Variants in OTC observed in about 807,000 individuals in gnomAD.
The protein encoded by OTC is ornithine transcarbamylase, mitochondrial.
In OTC, 3 loss-of-function variants were observed where a neutral mutation model predicts 30.3. That is an observed-to-expected ratio of 0.10 (90% CI 0.05 to 0.26). The LOEUF (loss-of-function observed/expected upper bound fraction) is 0.26. OTC is among the 10% of genes least tolerant of loss of function. OTC has a pLI of 1.00. For synonymous variants in OTC, 111 were observed against 99.7 expected, an observed-to-expected ratio of 1.11 and a Z score of -0.67; for missense variants, 194 against 260.3, an observed-to-expected ratio of 0.75 and a Z score of 1.75.
the OTC span, among the ~76,000 whole-genome samples, chrX:38,343,480 C>T: frequency 8.9e-6 from 1 of 112,316 alleles, no homozygotes; most frequent in South Asian, 3.7e-4. Flanking sequence ...TGAAAGAGAA[C>T]CTCGTGCTTT....
At position 38,401,363 on chromosome X, in the gene OTC, A is replaced by G. The variant is rs1244955562; in HGVS notation, c.475A>G (p.Ile159Val). 1.7e-6 allele frequency: 2 copies of G among 1,196,182 alleles called. No homozygotes were observed. Among genetic ancestry groups the G allele is most frequent in the East Asian group, 3.0e-5 (1 of 33,769 alleles). The change falls in exon 5 of 10, where the codon ATT becomes GTT. Residue 159 changes from isoleucine to valine, a missense_variant. Coordinates refer to ENST00000039007, the MANE Select transcript of OTC (RefSeq NM_000531.6). ...CCTGGCTAAAGAAGCATCCATCCCA[A>G]TTATCAATGGGCTGTCAGATTTGTA... The part of the protein sequence containing the change: ...DTLAKEASIP[I>V]INGLSDLYHP...
chrX:38,332,494 G>A, the OTC span, among the ~76,000 whole-genome samples: 1 of 21,632 alleles, frequency 4.6e-5, no homozygotes, highest in Non-Finnish European at 8.8e-5. Flanking sequence ...CTATGCTGTA[G>A]CCCTAGATTT....
intron 5 of OTC, among the ~76,000 whole-genome samples, 163 bp downstream of exon 5, chrX:38,401,591 A>G (rs1425459089): frequency 3.6e-5 from 4 of 112,390 alleles, no homozygotes; most frequent in East Asian, 5.6e-4. Context: ...AAAACAGGAC[A>G]TTGTTAAAAA....
At chrX:38,420,883 C>A (rs2068591634) in intron 9 of OTC, 140 bp from the exon 10 acceptor site, 2 of 482,912 alleles carry the variant, frequency 4.1e-6, no homozygotes, top group Admixed American at 5.7e-5. Flanking sequence ...TAGTTCAGAA[C>A]TGTTCTCTTA....
At chrX:38,416,039 A>G (rs959575371) in intron 9 of OTC, among the ~76,000 whole-genome samples, 2 of 112,069 alleles carry the variant, frequency 1.8e-5, no homozygotes, top group African/African-American at 6.5e-5. Context: ...ACTCTAGGGA[A>G]TAATTTCCAC....
chrX:38,388,546 T>C (rs1173459957), intron 4 of OTC, among the ~76,000 whole-genome samples: 1 of 110,906 alleles, frequency 9.0e-6, no homozygotes, highest in Non-Finnish European at 1.9e-5. Flanking sequence ...TTAAATCATA[T>C]GGAATTTAGC....
intron 1 of OTC, among the ~76,000 whole-genome samples, chrX:38,356,687 C>T (rs915495384): frequency 2.7e-5 from 3 of 110,336 alleles, no homozygotes; most frequent in African/African-American, 6.6e-5. Flanking sequence ...GGGGAAAGGG[C>T]GGGCCTCATC....
intron 1 of OTC, among the ~76,000 whole-genome samples, chrX:38,356,577 C>T (rs1409357593): frequency 1.8e-5 from 2 of 111,633 alleles, no homozygotes; most frequent in African/African-American, 3.3e-5. Context: ...CCTAGCTCCT[C>T]CCCACTCCAA....
At chrX:38,359,914 C>CTT (rs57184116) in intron 1 of OTC, among the ~76,000 whole-genome samples, 1,682 of 94,471 alleles carry the variant, frequency 0.018, 55 homozygotes, top group African/African-American at 0.058. Context: ...TTCTTTCTTT[C>CTT]TTTTTTTTTT....
intron 3 of OTC, among the ~76,000 whole-genome samples, chrX:38,380,361 T>C (rs188394405): frequency 1.8e-5 from 2 of 112,442 alleles, no homozygotes; most frequent in Admixed American, 9.4e-5. Context: ...ATCAGGCACA[T>C]CATAATAAGG....
chrX:38,416,783 A>G (rs193042265), intron 9 of OTC, among the ~76,000 whole-genome samples: 2 of 112,469 alleles, frequency 1.8e-5, no homozygotes, highest in East Asian at 5.6e-4. Flanking sequence ...ACTGAATCTG[A>G]CAATCCTAAT....
chrX:38,359,495 C>G (rs1467549581), intron 1 of OTC, among the ~76,000 whole-genome samples: 1 of 109,892 alleles, frequency 9.1e-6, no homozygotes, highest in Non-Finnish European at 1.9e-5. Context: ...TCTTGGCTCA[C>G]TGCAACCTCT....
chrX:38,420,656 A>G (rs2068590505), intron 9 of OTC, among the ~76,000 whole-genome samples: 1 of 110,866 alleles, frequency 9.0e-6, no homozygotes, highest in Non-Finnish European at 1.9e-5. Context: ...TATAAACACA[A>G]GGATCTGGAA....
At chrX:38,357,078 C>T (rs750440352) in intron 1 of OTC, among the ~76,000 whole-genome samples, 17 of 111,284 alleles carry the variant, frequency 1.5e-4, no homozygotes, top group Non-Finnish European at 3.2e-4. Flanking sequence ...AGTTTACAAA[C>T]TTCATGAGTG....
chrX:38,411,775 G>A (rs2068544038), intron 8 of OTC, 87 bp from the exon 9 acceptor site: 1 of 863,799 alleles, frequency 1.2e-6, no homozygotes, highest in Non-Finnish European at 1.7e-6. Context: ...TCTGACTACT[G>A]GCCATGTGTG....
At chrX:38,333,097 C>G in the OTC span, among the ~76,000 whole-genome samples, 3 of 108,552 alleles carry the variant, frequency 2.8e-5, no homozygotes, top group East Asian at 8.6e-4. Context: ...TGCCTGTAAT[C>G]CCAGCTGCTT....
At chrX:38,413,514 G>A (rs1467368838) in intron 9 of OTC, among the ~76,000 whole-genome samples, 9 of 110,825 alleles carry the variant, frequency 8.1e-5, no homozygotes, top group Non-Finnish European at 9.4e-5. Flanking sequence ...GCCACCTCAG[G>A]ACACTAACTT....
At chrX:38,350,409 T>C (rs984188755), upstream of OTC, among the ~76,000 whole-genome samples, 3 of 111,515 alleles carry the variant, frequency 2.7e-5, no homozygotes, top group Admixed American at 2.9e-4. Context: ...GAGAACTAGA[T>C]AGGTAGTGAA....
At chrX:38,365,504 T>C (rs1046807104) in intron 1 of OTC, among the ~76,000 whole-genome samples, 4 of 112,646 alleles carry the variant, frequency 3.6e-5, no homozygotes, top group Non-Finnish European at 5.6e-5. Context: ...AAAATTCAGT[T>C]TGGAATCCCT....
Sources: gnomAD v4.1 joint callset for allele counts (sites outside exome capture counted in the v4.1 genomes callset) on GRCh38, gnomAD v4.1.1 for gene constraint, MANE v1.5 for transcripts, NCBI Gene and HGNC (gene_info 2026-07-23, HGNC 2026-07-21) for gene names.